The following FTO variants were observed in gnomAD, a reference collection of about 807,000 sequenced individuals.
FTO encodes FTO alpha-ketoglutarate dependent dioxygenase, also known as alpha-ketoglutarate-dependent dioxygenase FTO.
In FTO, 47 loss-of-function variants were observed where a neutral mutation model predicts 63.9. That is an observed-to-expected ratio of 0.74 (90% CI 0.58 to 0.94). The LOEUF (loss-of-function observed/expected upper bound fraction) is 0.94. FTO is among the 40% of genes least tolerant of loss of function. The pLI is 0.00. For missense variants in FTO, 562 were observed against 618.1 expected, an observed-to-expected ratio of 0.91 and a Z score of 0.96; for synonymous variants, 207 against 224.4, an observed-to-expected ratio of 0.92 and a Z score of 0.69.
intron 4 of FTO, among the ~76,000 whole-genome samples, chr16:53,849,411 C>T (rs1334262542): frequency 1.3e-5 from 2 of 152,182 alleles, no homozygotes; most frequent in Admixed American, 6.5e-5. Context: ...ATGCTGTGTT[C>T]GTATCCTGCT....
chr16:53,761,242 G>A (rs184395401), intron 1 of FTO, among the ~76,000 whole-genome samples: 3 of 146,258 alleles, frequency 2.1e-5, no homozygotes, highest in Non-Finnish European at 3.0e-5. Context: ...GACATCAGGC[G>A]CACACCACCA....
chr16:53,998,657 G>T (rs1183480871), intron 8 of FTO: 2 of 152,194 alleles, frequency 1.3e-5, no homozygotes, highest in African/African-American at 4.8e-5. Flanking sequence ...AGCCCTCTCA[G>T]TTGGCTCTAT....
intron 1 of FTO, among the ~76,000 whole-genome samples, chr16:53,792,100 T>TA (rs1489165114): frequency 1.3e-3 from 193 of 150,196 alleles, no homozygotes; most frequent in African/African-American, 4.1e-3. Flanking sequence ...AAAATAAAAA[T>TA]AAAAAAAATA....
intron 3 of FTO, among the ~76,000 whole-genome samples, chr16:53,827,283 A>G (rs540875469): frequency 6.6e-6 from 1 of 152,284 alleles, no homozygotes; most frequent in South Asian, 2.1e-4. Context: ...CTTAGAATAG[A>G]ATTACAAAAA....
At chr16:53,952,218 G>C (rs992648110) in intron 8 of FTO, among the ~76,000 whole-genome samples, 2 of 152,178 alleles carry the variant, frequency 1.3e-5, no homozygotes, top group Non-Finnish European at 2.9e-5. Flanking sequence ...GTTGTCAGTG[G>C]TCAAGCCAGG....
rs2086811944 is a variant in FTO, at chr16:54,108,715, A to G, written c.1365-3047A>G. Among the ~76,000 whole-genome samples, 8 of 152,338 alleles carry G rather than the reference A, an allele frequency of 5.3e-5. No individual in the cohort carries two copies. The South Asian group carries it at 1.7e-3, about 32-fold the overall frequency. On this transcript the variant is annotated intron_variant, in intron 8 of 8. Transcript: ENST00000471389. ...ATGTTCTAAACACTGCGTATAATTCATGTAATCTTCACATCAACCCCATAA... is the reference window on the plus strand; with the variant it reads ...ATGTTCTAAACACTGCGTATAATTCGTGTAATCTTCACATCAACCCCATAA...
chr16:53,906,766 G>T (rs927415063), intron 7 of FTO, among the ~76,000 whole-genome samples: 2 of 152,086 alleles, frequency 1.3e-5, no homozygotes, highest in Admixed American at 6.5e-5. Flanking sequence ...CTTCTAAAGT[G>T]GACCAGTGGC....
chr16:53,987,427 A>G (rs999282800), intron 8 of FTO, among the ~76,000 whole-genome samples: 5 of 151,770 alleles, frequency 3.3e-5, no homozygotes, highest in African/African-American at 9.7e-5. Context: ...CTAAAACTAC[A>G]AAAAAATTAG....
chr16:53,902,576 G>A (rs1029887992), intron 7 of FTO, among the ~76,000 whole-genome samples: 1 of 152,114 alleles, frequency 6.6e-6, no homozygotes, highest in Non-Finnish European at 1.5e-5. Flanking sequence ...TCAAAATGAG[G>A]CTCTCTGGTG....
intron 1 of FTO, among the ~76,000 whole-genome samples, chr16:53,808,412 CA>C (rs1316826107): frequency 1.3e-5 from 2 of 151,978 alleles, no homozygotes; most frequent in African/African-American, 4.8e-5. Context: ...ATAGTCAAAA[CA>C]AAGGCTTTGA....
intron 8 of FTO, among the ~76,000 whole-genome samples, chr16:54,020,043 C>T (rs1369476427): frequency 6.6e-6 from 1 of 152,018 alleles, no homozygotes; most frequent in African/African-American, 2.4e-5. Context: ...TATTTTCCCA[C>T]TAATTGTAAA....
chr16:53,864,169 G>A (rs1270223047), intron 4 of FTO, among the ~76,000 whole-genome samples: 2 of 152,174 alleles, frequency 1.3e-5, no homozygotes, highest in Non-Finnish European at 1.5e-5. Context: ...GATGAGAATG[G>A]ACAGGTAAGT....
intron 6 of FTO, among the ~76,000 whole-genome samples, chr16:53,884,020 G>A (rs1193004583): frequency 1.3e-5 from 2 of 152,164 alleles, no homozygotes; most frequent in Non-Finnish European, 2.9e-5. Flanking sequence ...TTTCTGCAAG[G>A]CCATGTGTCT....
At chr16:53,793,231 T>C (rs1352472745) in intron 1 of FTO, among the ~76,000 whole-genome samples, 20 of 152,218 alleles carry the variant, frequency 1.3e-4, no homozygotes, top group Non-Finnish European at 1.5e-4. Context: ...TAAACCACCC[T>C]TCCCCAAAGT....
At chr16:53,840,978 C>T (rs968454563) in intron 3 of FTO, among the ~76,000 whole-genome samples, 6 of 150,740 alleles carry the variant, frequency 4.0e-5, no homozygotes, top group Non-Finnish European at 7.4e-5. Flanking sequence ...TACACACCTT[C>T]GTGAGTTCTT....
intron 1 of FTO, among the ~76,000 whole-genome samples, chr16:53,808,326 C>G (rs28711250): frequency 0.045 from 6,807 of 151,308 alleles, 205 homozygotes; most frequent in South Asian, 0.092. Context: ...AGAATGAAAC[C>G]CTGTCTCCAA....
intron 7 of FTO, among the ~76,000 whole-genome samples, chr16:53,931,305 T>TAA (rs2082277362): frequency 1.3e-5 from 2 of 148,952 alleles, no homozygotes; most frequent in African/African-American, 4.9e-5. Flanking sequence ...TGACTTTTTT[T>TAA]TTTTTTTTTT....
At chr16:53,840,081 G>T (rs1461178666) in intron 3 of FTO, among the ~76,000 whole-genome samples, 1 of 152,118 alleles carries the variant, frequency 6.6e-6, no homozygotes, top group Middle Eastern at 3.2e-3. Flanking sequence ...GGGATTACAG[G>T]TGTGAGCCAC....
intron 3 of FTO, among the ~76,000 whole-genome samples, chr16:53,837,329 T>C (rs2079327020): frequency 6.6e-6 from 1 of 152,256 alleles, no homozygotes; most frequent in Non-Finnish European, 1.5e-5. Flanking sequence ...AGACATGATG[T>C]TGAAGGGCTT....
Sources: gnomAD v4.1 joint callset for allele counts (sites outside exome capture counted in the v4.1 genomes callset) on GRCh38, gnomAD v4.1.1 for gene constraint, MANE v1.5 for transcripts, NCBI Gene and HGNC (gene_info 2026-07-23, HGNC 2026-07-21) for gene names.